Variants in PSD2 observed in about 807,000 individuals in gnomAD.
The protein encoded by PSD2 is PH and SEC7 domain-containing protein 2.
PSD2 carries 38 observed loss-of-function variants against 69.8 expected under a neutral mutation model. That is an observed-to-expected ratio of 0.54 (90% CI 0.42 to 0.71). The LOEUF (loss-of-function observed/expected upper bound fraction) is 0.71, where lower values mean the gene tolerates loss of function less well. Ranked by LOEUF, PSD2 falls within the 30% of genes least tolerant of loss-of-function variation. The pLI is 0.00. For missense variants in PSD2, 943 were observed against 1,014.5 expected (o/e 0.93, Z 0.96); for synonymous variants, 412 against 423.0 (o/e 0.97, Z 0.32).
intron 9 of PSD2, among the ~76,000 whole-genome samples, chr5:139,836,389 G>A (rs1375530635): frequency 6.6e-6 from 1 of 152,174 alleles, no homozygotes; most frequent in Non-Finnish European, 1.5e-5. Context: ...GCTCTCATGG[G>A]GGCCCAGGCT....
intron 7 of PSD2, among the ~76,000 whole-genome samples, chr5:139,824,570 G>A (rs1581728844): frequency 6.6e-6 from 1 of 151,896 alleles, no homozygotes; most frequent in South Asian, 2.1e-4. Flanking sequence ...CTAATTTTTT[G>A]TATTTTTAGT....
At chr5:139,759,656 C>T in the PSD2 span, among the ~76,000 whole-genome samples, 11 of 152,296 alleles carry the variant, frequency 7.2e-5, no homozygotes, top group South Asian at 6.2e-4. Context: ...CGCGCCACGC[C>T]GGGCCCTTTG....
At chr5:139,792,423 G>A (rs539866114), upstream of PSD2, among the ~76,000 whole-genome samples, 1 of 152,162 alleles carries the variant, frequency 6.6e-6, no homozygotes, top group Admixed American at 6.5e-5. Context: ...AATGCAGCTG[G>A]CCCCCCCTCC....
At chr5:139,832,443 G>A (rs915346709) in intron 7 of PSD2, among the ~76,000 whole-genome samples, 21 of 152,154 alleles carry the variant, frequency 1.4e-4, no homozygotes, top group African/African-American at 5.1e-4. Flanking sequence ...TTGCATCATT[G>A]TTTTCTGAAT....
At chr5:139,756,480 G>T in the PSD2 span, among the ~76,000 whole-genome samples, 41 of 152,234 alleles carry the variant, frequency 2.7e-4, no homozygotes, top group Non-Finnish European at 5.7e-4. Flanking sequence ...GGTTGCTTGG[G>T]GTGACCAGGT....
rs113828629 is a variant in PSD2 at position 139,838,231 on chromosome 5, G to A, written c.1824-397G>A. Among the ~76,000 whole-genome samples the A allele has an allele frequency of 4.1e-3, 627 of 152,364 alleles. 3 individuals are homozygous for A. Among genetic ancestry groups the A allele is most frequent in the Non-Finnish European group, 5.7e-3 (385 of 68,034 alleles). On this transcript the variant is annotated intron_variant, in intron 12 of 14. Transcript: ENST00000274710. ...CATGAGCTTGCAAGGAGGCAGGCTA[G>A]TGGGTGAGGCCTCAGGATCACAGTG...
At chr5:139,755,156 C>G in the PSD2 span, among the ~76,000 whole-genome samples, 1 of 152,226 alleles carries the variant, frequency 6.6e-6, no homozygotes, top group African/African-American at 2.4e-5. Flanking sequence ...GCGCCACCCA[C>G]GCCCCTTCCC....
the PSD2 span, among the ~76,000 whole-genome samples, chr5:139,767,578 G>A: frequency 6.6e-6 from 1 of 152,176 alleles, no homozygotes; most frequent in Non-Finnish European, 1.5e-5. Flanking sequence ...GCCTCCCAGA[G>A]TGCTGGGATT....
In PSD2 at chr5:139,837,050, G is replaced by C. The variant is rs199955965; in HGVS notation, c.1594+49G>C. 3 of 1,597,466 alleles carry C rather than the reference G, an allele frequency of 1.9e-6. No homozygotes were observed. Among genetic ancestry groups the C allele is most frequent in the African/African-American group, 1.3e-5 (1 of 74,672 alleles). ...GCATGGGAGGGAGGCTGGCACAGAG[G>C]GGGGCGCCACGGGCCACTCTTTGGG... On this transcript the variant is annotated intron_variant, in intron 10 of 14. Transcript: ENST00000274710. The surrounding 1 kb of genome is among the most constrained non-coding windows in gnomAD (Gnocchi z 5.0).
At chr5:139,841,342 T>C (rs1760865383) in intron 14 of PSD2, among the ~76,000 whole-genome samples, 1 of 152,194 alleles carries the variant, frequency 6.6e-6, no homozygotes. Context: ...AATGGAACAC[T>C]AGGCATAAAT....
intron 6 of PSD2, among the ~76,000 whole-genome samples, chr5:139,822,270 C>T (rs898893441): frequency 6.6e-6 from 1 of 152,240 alleles, no homozygotes; most frequent in African/African-American, 2.4e-5. Flanking sequence ...CTGGGGCTCT[C>T]CCTTCTCTGG....
rs200975712 is a variant in PSD2, at chr5:139,840,552, ATT to A, written c.2112+397_2112+398del. On this transcript the variant is annotated intron_variant, in intron 14 of 14. Coordinates refer to ENST00000274710, the MANE Select transcript of PSD2 (RefSeq NM_032289.4). ...GTTTAACAATTAGTATCTCATTACT[ATT>A]TTTTTTTTTTTTTTGAGATGGAATC... is the stretch of plus-strand genomic sequence containing the variant. Among the ~76,000 whole-genome samples the A allele has an allele frequency of 1.2e-3, 165 of 140,980 alleles. 1 individual carries two copies. The highest frequency in any genetic ancestry group is 1.5e-3 in the Non-Finnish European group (97 of 64,372). The allele number at this position is 140,980 out of a possible 152,430, so 92.5% of individuals were successfully genotyped here. A position where few individuals can be genotyped will look rare whatever the true frequency, so the allele number is the denominator to read the frequency against.
the PSD2 span, among the ~76,000 whole-genome samples, chr5:139,757,341 G>A: frequency 6.6e-6 from 1 of 152,184 alleles, no homozygotes; most frequent in Non-Finnish European, 1.5e-5. Flanking sequence ...CCTGTCCTTC[G>A]CCTGCATCTG....
intron 14 of PSD2, among the ~76,000 whole-genome samples, chr5:139,841,261 G>T (rs1237138661): frequency 6.6e-6 from 1 of 151,922 alleles, no homozygotes; most frequent in Non-Finnish European, 1.5e-5. Context: ...TTTTTTTGGT[G>T]AAAAATCAGA....
At chr5:139,754,366 A>G in the PSD2 span, among the ~76,000 whole-genome samples, 5 of 152,072 alleles carry the variant, frequency 3.3e-5, no homozygotes, top group African/African-American at 1.2e-4. Context: ...CAGGAGTTCA[A>G]GACCAGCCTG....
the PSD2 span, among the ~76,000 whole-genome samples, chr5:139,756,236 T>C: frequency 1.3e-5 from 2 of 152,074 alleles, no homozygotes; most frequent in Non-Finnish European, 2.9e-5. Flanking sequence ...GCGCCCCCCC[T>C]TTCATGTCTG....
intron 7 of PSD2, among the ~76,000 whole-genome samples, chr5:139,830,006 TTTTGAAAAAAAAAAAAAA>T (rs1760532044): frequency 6.8e-6 from 1 of 146,208 alleles, no homozygotes; most frequent in Non-Finnish European, 1.5e-5. Flanking sequence ...TTTTCTTTTT[TTTTGAAAAAAAAAAAAAA>T]AGATAGCCAT....
At chr5:139,755,952 A>C in the PSD2 span, among the ~76,000 whole-genome samples, 1 of 152,162 alleles carries the variant, frequency 6.6e-6, no homozygotes, top group Non-Finnish European at 1.5e-5. Context: ...AAAATAGACT[A>C]TTAAAGACAG....
Position 139,837,040 on chromosome 5 carries a change from T to A in PSD2, c.1594+39T>A, listed in dbSNP as rs761323403. 2.5e-6 allele frequency: 4 copies of A among 1,600,988 alleles called. No individual in the cohort carries two copies. Among genetic ancestry groups the A allele is most frequent in the Non-Finnish European group, 3.4e-6 (4 of 1,171,328 alleles). On this transcript the variant is annotated intron_variant, in intron 10 of 14. Coordinates refer to ENST00000274710, the MANE Select transcript of PSD2 (RefSeq NM_032289.4). This position sits in a 1 kb window ranked among gnomAD's most constrained non-coding sequence, Gnocchi z 5.0. ...TGGGAGAGGGGCATGGGAGGGAGGC[T>A]GGCACAGAGGGGGGCGCCACGGGCC...
Sources: allele counts gnomAD v4.1 joint callset (sites outside exome capture counted in the v4.1 genomes callset), GRCh38; gene constraint gnomAD v4.1.1; non-coding constraint Gnocchi (gnomAD v3.1); transcripts MANE v1.5; gene names NCBI Gene and HGNC (gene_info 2026-07-23, HGNC 2026-07-21).